MGLL: variants seen among roughly 807,000 people sequenced by gnomAD.
The protein encoded by MGLL is lysophospholipase homolog.
A neutral mutation model predicts 29.1 loss-of-function variants in MGLL; 7 were observed. That is an observed-to-expected ratio of 0.24 (90% confidence interval 0.14 to 0.45). MGLL has a LOEUF of 0.45. Among genes scored for constraint, MGLL ranks in the 20% least tolerant of loss-of-function variants. The pLI is 0.99. For synonymous variants in MGLL, 148 were observed against 168.3 expected (o/e 0.88, Z 0.93); for missense variants, 356 against 413.6 (o/e 0.86, Z 1.21).
At chr3:127,775,462 C>T (rs772712994) in intron 3 of MGLL, among the ~76,000 whole-genome samples, 8 of 152,074 alleles carry the variant, frequency 5.3e-5, no homozygotes, top group Non-Finnish European at 4.4e-5. Context: ...CAATTATTCC[C>T]CCTGAATTTC....
chr3:127,694,294 T>A (rs1288886806), intron 7 of MGLL, among the ~76,000 whole-genome samples: 16,445 of 130,666 alleles, frequency 0.13, 1,649 homozygotes, highest in Middle Eastern at 0.28. Flanking sequence ...AAAATATATA[T>A]ATATATATAT....
Position 127,741,517 on chromosome 3 carries a change from C to T in MGLL, c.263-18951G>A, listed in dbSNP as rs573829447. 1.1e-4 allele frequency among the ~76,000 whole-genome samples: 17 copies of T among 152,328 alleles called. No homozygotes were observed. In the South Asian group the frequency reaches 3.5e-3, roughly 32 times the overall value. On this transcript the variant is annotated intron_variant, in intron 3 of 7. Coordinates refer to ENST00000265052, the MANE Select transcript of MGLL (RefSeq NM_007283.7). ...TCAGCACGAGGCCCATGCTAGGACA[C>T]CACGATGCGTGTGTTACACCGGGGC...
intron 5 of MGLL, among the ~76,000 whole-genome samples, chr3:127,719,422 C>G (rs1421414427): frequency 6.6e-6 from 1 of 152,240 alleles, no homozygotes; most frequent in African/African-American, 2.4e-5. Context: ...CCTGGCCAGC[C>G]ATTCATCTTT....
chr3:127,704,386 AT>A (rs2075558333), intron 6 of MGLL, among the ~76,000 whole-genome samples: 1 of 152,238 alleles, frequency 6.6e-6, no homozygotes, highest in South Asian at 2.1e-4. Context: ...ATGGTATCTA[AT>A]TAAACTAAAG....
At chr3:127,748,262 T>C (rs149188559) in intron 3 of MGLL, among the ~76,000 whole-genome samples, 3 of 152,092 alleles carry the variant, frequency 2.0e-5, no homozygotes, top group Non-Finnish European at 4.4e-5. Context: ...CAGAGGACCA[T>C]TCGAATTAAA....
At chr3:127,784,173 T>G (rs543044563) in intron 2 of MGLL, among the ~76,000 whole-genome samples, 1 of 152,364 alleles carries the variant, frequency 6.6e-6, no homozygotes, top group South Asian at 2.1e-4. Context: ...ACAAGTGGTC[T>G]CTTACTCTAC....
rs924346774 is a variant in MGLL, at chr3:127,690,610, G to C, written c.*1588C>G. 5.2e-5 allele frequency: 8 copies of C among 152,910 alleles called. No homozygotes were observed. Among genetic ancestry groups the C allele is most frequent in the African/African-American group, 1.7e-4 (7 of 41,592 alleles). 9.5% of individuals were successfully genotyped at this position (152,910 alleles called of 1,614,324 possible). A position where few individuals can be genotyped will look rare whatever the true frequency, so the allele number is the denominator to read the frequency against. On this transcript the variant is annotated 3_prime_UTR_variant, in exon 8 of 8. Coordinates refer to ENST00000265052, the MANE Select transcript of MGLL (RefSeq NM_007283.7). Reference sequence around the variant, plus strand: ...GACTTCATGTTGGGGGTCCTGGTGGGAAGTGGCCTCTCCTCTGTGGCCCCA... The same window carrying C: ...GACTTCATGTTGGGGGTCCTGGTGGCAAGTGGCCTCTCCTCTGTGGCCCCA...
At chr3:127,804,645 A>G (rs1223094278) in intron 2 of MGLL, among the ~76,000 whole-genome samples, 3 of 152,342 alleles carry the variant, frequency 2.0e-5, no homozygotes, top group South Asian at 2.1e-4. Flanking sequence ...TTAAGGTTCT[A>G]TAATGAACAT....
chr3:127,818,685 T>A (rs2077805126), intron 2 of MGLL, among the ~76,000 whole-genome samples: 1 of 152,164 alleles, frequency 6.6e-6, no homozygotes, highest in African/African-American at 2.4e-5. Flanking sequence ...ACAATTGGAT[T>A]TGGTCCATGT....
At chr3:127,792,763 G>A (rs1284080792) in intron 2 of MGLL, among the ~76,000 whole-genome samples, 1 of 152,208 alleles carries the variant, frequency 6.6e-6, no homozygotes, top group African/African-American at 2.4e-5. Context: ...GCTGCCGGTA[G>A]GTACCAGTTC....
chr3:127,822,129 G>T (rs781301855), intron 1 of MGLL, 180 bp downstream of exon 1: 9 of 721,764 alleles, frequency 1.2e-5, no homozygotes, highest in Non-Finnish European at 2.1e-5. Context: ...TCATCTTAAA[G>T]ACTATTTTAG....
At chr3:127,798,720 C>T (rs1324674450) in intron 2 of MGLL, among the ~76,000 whole-genome samples, 2 of 152,170 alleles carry the variant, frequency 1.3e-5, no homozygotes, top group African/African-American at 4.8e-5. Context: ...GATGTCTCTG[C>T]ACTTACATCA....
At chr3:127,694,544 T>TCCTGCCAGCA (rs1316191968) in intron 7 of MGLL, among the ~76,000 whole-genome samples, 23 of 151,998 alleles carry the variant, frequency 1.5e-4, no homozygotes, top group Admixed American at 1.5e-3. Flanking sequence ...CTCTGCCAAG[T>TCCTGCCAGCA]CCTGCCAGCA....
intron 5 of MGLL, among the ~76,000 whole-genome samples, chr3:127,717,058 C>A (rs1287157425): frequency 6.6e-6 from 1 of 152,186 alleles, no homozygotes; most frequent in Non-Finnish European, 1.5e-5. Flanking sequence ...GTCTAGAAAG[C>A]CCAACACCCA....
chr3:127,803,276 G>A (rs950750143), intron 2 of MGLL, among the ~76,000 whole-genome samples: 1 of 151,976 alleles, frequency 6.6e-6, no homozygotes, highest in Non-Finnish European at 1.5e-5. Flanking sequence ...CACCACACCT[G>A]GCACAAGCCT....
chr3:127,742,449 G>C (rs2076359369), intron 3 of MGLL, among the ~76,000 whole-genome samples: 1 of 152,054 alleles, frequency 6.6e-6, no homozygotes, highest in Non-Finnish European at 1.5e-5. Flanking sequence ...AATGAGCCAG[G>C]CTTGGTGGTG....
chr3:127,751,002 T>G (rs1576547486), intron 3 of MGLL, among the ~76,000 whole-genome samples: 1 of 151,974 alleles, frequency 6.6e-6, no homozygotes, highest in East Asian at 1.9e-4. Flanking sequence ...GGACCAGAGG[T>G]GAGGATCACT....
chr3:127,707,826 A>G (rs1383072087), intron 6 of MGLL, among the ~76,000 whole-genome samples: 1 of 152,218 alleles, frequency 6.6e-6, no homozygotes, highest in East Asian at 1.9e-4. Context: ...ATAGGGTGGC[A>G]GCTTTGGGGC....
rs1204498973 is a variant in MGLL at position 127,691,916 on chromosome 3, G to C, written c.*282C>G. 2.3e-6 allele frequency: 1 copy of C among 434,774 alleles called. No homozygotes were observed. The highest frequency in any genetic ancestry group is 4.2e-6 in the Non-Finnish European group (1 of 239,146). 26.9% of individuals were successfully genotyped at this position (434,774 alleles called of 1,614,324 possible). ...GCTGGGAGAGGCAGGGCAGAGGCTT[G>C]GCTTTGTTTTCAGTGGACATTTTAG... On this transcript the variant is annotated 3_prime_UTR_variant, in exon 8 of 8. Transcript: ENST00000265052.
Sources: gnomAD v4.1 joint callset for allele counts (sites outside exome capture counted in the v4.1 genomes callset) on GRCh38, gnomAD v4.1.1 for gene constraint, MANE v1.5 for transcripts, NCBI Gene and HGNC (gene_info 2026-07-23, HGNC 2026-07-21) for gene names.